The following NEGR1 variants were observed in gnomAD, a reference collection of about 807,000 sequenced individuals.
The protein encoded by NEGR1 is neuronal growth regulator 1.
NEGR1 carries 10 observed loss-of-function variants against 40.9 expected under a neutral mutation model. The ratio of observed to expected loss-of-function variants is 0.24; its 90% confidence interval spans 0.15 to 0.42. The LOEUF (loss-of-function observed/expected upper bound fraction) is 0.42, where lower values mean the gene tolerates loss of function less well. NEGR1 is among the 10% of genes least tolerant of loss of function. The pLI is 1.00. For synonymous variants in NEGR1, 185 were observed against 166.8 expected (o/e 1.11, Z -0.84); for missense variants, 352 against 438.9 (o/e 0.80, Z 1.77).
chr1:71,937,086 C>G (rs1264052987), intron 1 of NEGR1, among the ~76,000 whole-genome samples: 2 of 152,126 alleles, frequency 1.3e-5, no homozygotes, highest in Admixed American at 6.6e-5. Context: ...GGGCTGCTGT[C>G]AACTGTATGA....
chr1:71,720,113 A>C (rs976084856), intron 3 of NEGR1, among the ~76,000 whole-genome samples: 6 of 152,228 alleles, frequency 3.9e-5, no homozygotes, highest in Non-Finnish European at 8.8e-5. Flanking sequence ...ATATTGAAGA[A>C]AGATGAATAC....
chr1:71,737,580 C>CTTATT (rs578096361), intron 3 of NEGR1, among the ~76,000 whole-genome samples: 26 of 151,966 alleles, frequency 1.7e-4, no homozygotes, highest in South Asian at 2.1e-4. Context: ...GAGACTAAAA[C>CTTATT]TTATTTTATT....
intron 1 of NEGR1, among the ~76,000 whole-genome samples, chr1:72,176,005 A>G (rs2100403695): frequency 6.6e-6 from 1 of 152,272 alleles, no homozygotes; most frequent in East Asian, 1.9e-4. Flanking sequence ...CAAGCCTTAG[A>G]AGACAGCTAA....
At chr1:71,864,807 C>A (rs1274380708) in intron 2 of NEGR1, among the ~76,000 whole-genome samples, 1 of 151,976 alleles carries the variant, frequency 6.6e-6, no homozygotes, top group East Asian at 1.9e-4. Flanking sequence ...CTCAGTATTC[C>A]CCTGAAGGAC....
At chr1:71,798,993 C>T (rs1453974378) in intron 2 of NEGR1, among the ~76,000 whole-genome samples, 2 of 151,548 alleles carry the variant, frequency 1.3e-5, no homozygotes, top group African/African-American at 4.8e-5. Flanking sequence ...CCTTTTTAGA[C>T]TGTGAGCCTT....
chr1:71,450,577 C>T (rs561958732), intron 6 of NEGR1, among the ~76,000 whole-genome samples: 7 of 151,762 alleles, frequency 4.6e-5, no homozygotes, highest in South Asian at 2.1e-4. Flanking sequence ...GAGGCTGAGG[C>T]GGGCAGATCT....
intron 1 of NEGR1, among the ~76,000 whole-genome samples, chr1:72,155,373 T>A (rs1194428517): frequency 1.3e-5 from 2 of 151,992 alleles, no homozygotes; most frequent in Non-Finnish European, 2.9e-5. Context: ...AGTAGCCAAA[T>A]CATATAACCT....
At chr1:71,838,328 C>T (rs551330670) in intron 2 of NEGR1, among the ~76,000 whole-genome samples, 2 of 152,182 alleles carry the variant, frequency 1.3e-5, no homozygotes, top group South Asian at 4.1e-4. Context: ...TAAGAAAGCA[C>T]ATCCTTATAT....
At chr1:71,640,298 T>C (rs915693186) in intron 4 of NEGR1, among the ~76,000 whole-genome samples, 6 of 152,012 alleles carry the variant, frequency 3.9e-5, no homozygotes, top group Non-Finnish European at 8.8e-5. Context: ...TTTGGCTCTG[T>C]AGAGACTCAT....
intron 6 of NEGR1, among the ~76,000 whole-genome samples, chr1:71,529,223 G>A (rs920184237): frequency 4.6e-5 from 7 of 151,138 alleles, no homozygotes; most frequent in Non-Finnish European, 1.0e-4. Flanking sequence ...ACTAAAAATG[G>A]TTTGCCGAAT....
chr1:71,539,036 A>G (rs4649940), intron 6 of NEGR1, among the ~76,000 whole-genome samples: 38,719 of 151,624 alleles, frequency 0.26, 6,299 homozygotes, highest in East Asian at 0.61. Flanking sequence ...ATAGTGGTTG[A>G]TAATAGAGTT....
chr1:71,489,215 C>T (rs893203079), intron 6 of NEGR1, among the ~76,000 whole-genome samples: 13 of 151,670 alleles, frequency 8.6e-5, no homozygotes, highest in East Asian at 1.9e-4. Flanking sequence ...ATATATTCAG[C>T]GAATTGGGAG....
chr1:71,444,960 G>A (rs886489961), intron 6 of NEGR1, among the ~76,000 whole-genome samples: 5 of 152,120 alleles, frequency 3.3e-5, no homozygotes, highest in Non-Finnish European at 7.4e-5. Context: ...CACAGCTCAG[G>A]CATATAAATG....
At chr1:71,608,079 T>G (rs1650125324) in intron 5 of NEGR1, among the ~76,000 whole-genome samples, 1 of 152,228 alleles carries the variant, frequency 6.6e-6, no homozygotes, top group South Asian at 2.1e-4. Context: ...ACCAGAATCC[T>G]TCTTTTTCCT....
At chr1:71,844,312 A>C (rs967789665) in intron 2 of NEGR1, among the ~76,000 whole-genome samples, 1 of 152,196 alleles carries the variant, frequency 6.6e-6, no homozygotes, top group Non-Finnish European at 1.5e-5. Context: ...CTTGTGTTTG[A>C]ATCACACCAT....
intron 1 of NEGR1, among the ~76,000 whole-genome samples, chr1:72,268,075 C>T (rs1655711795): frequency 1.3e-5 from 2 of 151,336 alleles, no homozygotes; most frequent in African/African-American, 4.8e-5. Context: ...TATCAGAAAG[C>T]TGTCTTGAAT....
chr1:71,714,270 T>C (rs1052192108), intron 3 of NEGR1, among the ~76,000 whole-genome samples: 3 of 152,122 alleles, frequency 2.0e-5, no homozygotes, highest in African/African-American at 7.2e-5. Flanking sequence ...TTCAATTACC[T>C]CCTCCTGGTA....
rs1312697323 is a variant in NEGR1, at chr1:72,104,079, G to T, written c.177-168768C>A. Among the ~76,000 whole-genome samples, 6 of 139,844 alleles carry T rather than the reference G, an allele frequency of 4.3e-5. No individual in the cohort carries two copies. The East Asian group carries it at 1.3e-3, about 31-fold the overall frequency. The allele number at this position is 139,844 out of a possible 152,430, so 91.7% of individuals were successfully genotyped here. A position where few individuals can be genotyped will look rare whatever the true frequency, so the allele number is the denominator to read the frequency against. On this transcript the variant is annotated intron_variant, in intron 1 of 6. Coordinates refer to ENST00000357731, the MANE Select transcript of NEGR1 (RefSeq NM_173808.3). Reference sequence around the variant, plus strand: ...TAAACCACATTCATTATGTGCTTTTGGATTTGTTTTTTTCCATGGAGAACA... The same window carrying T: ...TAAACCACATTCATTATGTGCTTTTTGATTTGTTTTTTTCCATGGAGAACA...
intron 2 of NEGR1, among the ~76,000 whole-genome samples, chr1:71,870,268 A>T (rs1479446568): frequency 2.6e-5 from 4 of 152,178 alleles, no homozygotes; most frequent in Admixed American, 6.6e-5. Flanking sequence ...ACATTTTCAG[A>T]TATTAGAATG....
Sources: allele counts gnomAD v4.1 joint callset (sites outside exome capture counted in the v4.1 genomes callset), GRCh38; gene constraint gnomAD v4.1.1; transcripts MANE v1.5; gene names NCBI Gene and HGNC (gene_info 2026-07-23, HGNC 2026-07-21).